PDGFB: variants seen among roughly 807,000 people sequenced by gnomAD.
PDGFB encodes the protein platelet-derived growth factor subunit B.
In PDGFB, 6 loss-of-function variants were observed where a neutral mutation model predicts 29.0. The observed-to-expected ratio is 0.21, with a 90% CI of 0.11 to 0.41. The LOEUF is 0.41. Ranked by LOEUF, PDGFB falls within the 10% of genes least tolerant of loss-of-function variation. PDGFB has a pLI of 1.00. For synonymous variants in PDGFB, 144 were observed against 140.8 expected, an observed-to-expected ratio of 1.02 and a Z score of -0.16; for missense variants, 299 against 341.8, an observed-to-expected ratio of 0.87 and a Z score of 0.99.
Position 39,243,846 on chromosome 22 carries a change from G to C in PDGFB, c.63+55C>G. ...CAGGGAGAGGAGGGGGCGGTCAGAA[G>C]GGGGGGGCGAAGGTAATGAATGAAG... is the stretch of plus-strand genomic sequence containing the variant. On this transcript the variant is annotated intron_variant, in intron 1 of 6. Coordinates refer to ENST00000331163, the MANE Select transcript of PDGFB (RefSeq NM_002608.4). This position sits in a 1 kb window ranked among gnomAD's most constrained non-coding sequence, Gnocchi z 6.4. 7.0e-7 allele frequency: 1 copy of C among 1,421,074 alleles called. No individual in the cohort carries two copies. The highest frequency in any genetic ancestry group is 1.8e-5 in the Admixed American group (1 of 54,646). The allele number at this position is 1,421,074 out of a possible 1,614,324, so 88.0% of individuals were successfully genotyped here.
intron 1 of PDGFB, chr22:39,241,045 C>T (rs889541833): frequency 7.5e-5 from 55 of 730,094 alleles, no homozygotes; most frequent in Non-Finnish European, 1.2e-4. Flanking sequence ...CAGTTGGTCT[C>T]CTGCCCCCTA....
intron 1 of PDGFB, among the ~76,000 whole-genome samples, chr22:39,240,560 C>T (rs888346305): frequency 6.6e-5 from 10 of 151,944 alleles, no homozygotes; most frequent in Non-Finnish European, 1.2e-4. Flanking sequence ...GGGCTGCCCT[C>T]GGAGCAGAGC....
Position 39,243,855 on chromosome 22 carries a change from G to C in PDGFB, c.63+46C>G. ...GAGGGGGCGGTCAGAAGGGGGGGGC[G>C]AAGGTAATGAATGAAGAACCAGCCC... On this transcript the variant is annotated intron_variant, in intron 1 of 6. Transcript: ENST00000331163. This position sits in a 1 kb window ranked among gnomAD's most constrained non-coding sequence, Gnocchi z 6.4. The C allele has an allele frequency of 6.6e-7, 1 of 1,507,376 alleles. No individual in the cohort carries two copies. The highest frequency in any genetic ancestry group is 1.2e-5 in the South Asian group (1 of 84,630). The allele number at this position is 1,507,376 out of a possible 1,614,324, so 93.4% of individuals were successfully genotyped here.
chr22:39,225,989 C>A (rs984099888), intron 5 of PDGFB, 142 bp from the exon 6 acceptor site: 3 of 870,202 alleles, frequency 3.4e-6, no homozygotes, highest in East Asian at 2.8e-5. Context: ...GTTTGGATCC[C>A]AACTCCACTG....
At chr22:39,237,417 T>G (rs1932471634) in intron 1 of PDGFB, among the ~76,000 whole-genome samples, 2 of 152,024 alleles carry the variant, frequency 1.3e-5, no homozygotes, top group Non-Finnish European at 2.9e-5. Context: ...CTGGGCAACT[T>G]GAGGAAAAAA....
chr22:39,226,959 C>T (rs1263502542), intron 5 of PDGFB, among the ~76,000 whole-genome samples: 3 of 152,184 alleles, frequency 2.0e-5, no homozygotes, highest in African/African-American at 4.8e-5. Context: ...ATTTCCGCAT[C>T]TTTATTTATT....
intron 3 of PDGFB, 148 bp downstream of exon 3, chr22:39,233,287 A>ACT: frequency 5.3e-6 from 3 of 568,558 alleles, no homozygotes; most frequent in Non-Finnish European, 9.3e-6. Flanking sequence ...GGATGGTTTT[A>ACT]CTCTCTCAGT....
intron 5 of PDGFB, among the ~76,000 whole-genome samples, chr22:39,227,870 T>A (rs1932204710): frequency 6.6e-6 from 1 of 152,176 alleles, no homozygotes; most frequent in Non-Finnish European, 1.5e-5. Context: ...AGCTCTCCCA[T>A]CTCTGCAATT....
intron 5 of PDGFB, among the ~76,000 whole-genome samples, chr22:39,227,178 T>C (rs1932189084): frequency 6.6e-6 from 1 of 151,982 alleles, no homozygotes; most frequent in East Asian, 1.9e-4. Flanking sequence ...AGGCTGGTCT[T>C]GAACTCCTGA....
At chr22:39,236,469 G>A (rs1022377182) in intron 1 of PDGFB, among the ~76,000 whole-genome samples, 1 of 152,230 alleles carries the variant, frequency 6.6e-6, no homozygotes, top group Non-Finnish European at 1.5e-5. Flanking sequence ...ACTCGAAAGA[G>A]GCGAAAAGGG....
At chr22:39,232,719 A>T (rs1229043212) in intron 3 of PDGFB, among the ~76,000 whole-genome samples, 3 of 151,160 alleles carry the variant, frequency 2.0e-5, no homozygotes, top group African/African-American at 7.3e-5. Context: ...CCATCTCTTG[A>T]CCTCGTGATC....
At chr22:39,241,724 C>G (rs1286732540) in intron 1 of PDGFB, among the ~76,000 whole-genome samples, 2 of 152,110 alleles carry the variant, frequency 1.3e-5, no homozygotes, top group Non-Finnish European at 2.9e-5. Flanking sequence ...GCCCCCTCCG[C>G]GGTTGCACAC....
chr22:39,240,925 A>G lies in PDGFB; in HGVS notation c.63+2976T>C, dbSNP rs5757576. 0.66 allele frequency: 985,780 copies of G among 1,501,336 alleles called. 323,776 individuals are homozygous for G. The highest frequency in any genetic ancestry group is 0.88 in the East Asian group (38,792 of 44,310). 93.0% of individuals were successfully genotyped at this position (1,501,336 alleles called of 1,614,324 possible). On this transcript the variant is annotated intron_variant, in intron 1 of 6. Coordinates refer to ENST00000331163, the MANE Select transcript of PDGFB (RefSeq NM_002608.4). ...CTCTCTCTCTCTCTCAGATGCGCACACACACACACACACACACTCTCTCTC... is the reference window on the plus strand; with the variant it reads ...CTCTCTCTCTCTCTCAGATGCGCACGCACACACACACACACACTCTCTCTC...
At chr22:39,235,345 T>C (rs1285339493) in intron 2 of PDGFB, among the ~76,000 whole-genome samples, 1 of 152,144 alleles carries the variant, frequency 6.6e-6, no homozygotes, top group Non-Finnish European at 1.5e-5. Context: ...GAGTGAGCTC[T>C]GGGGCACGGG....
rs1328408508 is a variant in PDGFB at position 39,244,198 on chromosome 22, G to C, written c.-235C>G. The C allele has an allele frequency of 3.7e-6, 1 of 272,152 alleles. No individual in the cohort carries two copies. Among genetic ancestry groups the C allele is most frequent in the Admixed American group, 5.4e-5 (1 of 18,632 alleles). The allele number at this position is 272,152 out of a possible 1,614,324, so 16.9% of individuals were successfully genotyped here. A position where few individuals can be genotyped will look rare whatever the true frequency, so the allele number is the denominator to read the frequency against. Reference sequence around the variant, plus strand: ...ACCTGGGCGCAGGACCTGGGTCCGAGGCCGCTACCTGGGCGGATCCCGAGC... The same window carrying C: ...ACCTGGGCGCAGGACCTGGGTCCGACGCCGCTACCTGGGCGGATCCCGAGC... On this transcript the variant is annotated 5_prime_UTR_variant, in exon 1 of 7. Coordinates refer to ENST00000331163, the MANE Select transcript of PDGFB (RefSeq NM_002608.4). The surrounding 1 kb of genome is among the most constrained non-coding windows in gnomAD (Gnocchi z 4.5).
intron 2 of PDGFB, 148 bp from the exon 3 acceptor site, chr22:39,233,672 T>C: frequency 1.8e-6 from 1 of 552,140 alleles, no homozygotes; most frequent in South Asian, 2.5e-5. Flanking sequence ...GCACGGGTCC[T>C]GGCCCTGAGC....
At position 39,225,716 on chromosome 22, in the gene PDGFB, G is replaced by A. The variant is rs371093482; in HGVS notation, c.*7C>T. 3.4e-4 allele frequency: 554 copies of A among 1,612,800 alleles called. 1 individual carries two copies. The highest frequency in any genetic ancestry group is 4.4e-4 in the Non-Finnish European group (517 of 1,179,346). On this transcript the variant is annotated 3_prime_UTR_variant, in exon 6 of 7. Coordinates refer to ENST00000331163, the MANE Select transcript of PDGFB (RefSeq NM_002608.4). ...TCACCTGCCCACACACTCTCCTGCC[G>A]ATGCCCCTAGGCTCCAAGGGTCTCC...
In PDGFB at chr22:39,225,852, A is replaced by G. The variant is rs769099630; in HGVS notation, c.602-5T>C. On this transcript the variant is annotated splice_polypyrimidine_tract_variant and splice_region_variant and intron_variant, in intron 5 of 6. Transcript: ENST00000331163. ...CCCGAGTTTGGGGCGTTTTGGCTGCACAAGAAAAAGAAAGACCTCGTCAGC... is the reference window on the plus strand; with the variant it reads ...CCCGAGTTTGGGGCGTTTTGGCTGCGCAAGAAAAAGAAAGACCTCGTCAGC... The G allele has an allele frequency of 6.2e-7, 1 of 1,609,358 alleles. No individual in the cohort carries two copies. The highest frequency in any genetic ancestry group is 8.5e-7 in the Non-Finnish European group (1 of 1,176,304).
At chr22:39,240,883 C>CTGCTCAG in intron 1 of PDGFB, 1 of 1,612,602 alleles carries the variant, frequency 6.2e-7, no homozygotes, top group Non-Finnish European at 8.5e-7. Context: ...CTCACCATTC[C>CTGCTCAG]TGCTCAGTCA....
Sources: gnomAD v4.1 joint callset for allele counts (sites outside exome capture counted in the v4.1 genomes callset) on GRCh38, gnomAD v4.1.1 for gene constraint, Gnocchi (gnomAD v3.1) non-coding constraint, MANE v1.5 for transcripts, NCBI Gene and HGNC (gene_info 2026-07-23, HGNC 2026-07-21) for gene names.